The following SLC8A1 variants were observed in gnomAD, a reference collection of about 807,000 sequenced individuals.
The protein encoded by SLC8A1 is solute carrier family 8 member A1.
In SLC8A1, 18 loss-of-function variants were observed where a neutral mutation model predicts 68.3. The observed-to-expected ratio is 0.26, with a 90% confidence interval of 0.18 to 0.39. The LOEUF is 0.39. Among genes scored for constraint, SLC8A1 ranks in the 10% least tolerant of loss-of-function variants. SLC8A1 has a pLI of 1.00. For synonymous variants in SLC8A1, 475 were observed against 415.5 expected (o/e 1.14, Z -1.74); for missense variants, 985 against 1,156.7 (o/e 0.85, Z 2.15).
intron 2 of SLC8A1, among the ~76,000 whole-genome samples, chr2:40,291,259 ATTGAGAAGGC>A (rs1407817508): frequency 2.6e-5 from 4 of 152,156 alleles, no homozygotes; most frequent in Non-Finnish European, 5.9e-5. Flanking sequence ...ACAGATGAAT[ATTGAGAAGGC>A]TTGTCCAAAG....
chr2:40,197,552 C>T (rs1188965209), intron 2 of SLC8A1, among the ~76,000 whole-genome samples: 1 of 151,880 alleles, frequency 6.6e-6, no homozygotes, highest in Non-Finnish European at 1.5e-5. Context: ...AGGTGCTTTC[C>T]CCCTTTAGCA....
At chr2:40,243,747 A>T (rs571998415) in intron 2 of SLC8A1, among the ~76,000 whole-genome samples, 6 of 152,170 alleles carry the variant, frequency 3.9e-5, no homozygotes, top group Non-Finnish European at 1.5e-5. Context: ...ATACATTCAC[A>T]GTGGGAAGGC....
intron 2 of SLC8A1, among the ~76,000 whole-genome samples, chr2:40,226,564 G>A (rs1454370022): frequency 6.6e-6 from 1 of 152,126 alleles, no homozygotes; most frequent in Non-Finnish European, 1.5e-5. Flanking sequence ...CAGTCACTCA[G>A]GATTCTGGAA....
chr2:40,451,127 C>T (rs1427494510), intron 1 of SLC8A1, among the ~76,000 whole-genome samples: 1 of 152,136 alleles, frequency 6.6e-6, no homozygotes, highest in East Asian at 1.9e-4. Context: ...TAAGGAGGAG[C>T]CAAAAAGGAT....
intron 6 of SLC8A1, among the ~76,000 whole-genome samples, chr2:40,155,278 C>T (rs1361572663): frequency 3.9e-5 from 6 of 151,956 alleles, no homozygotes; most frequent in South Asian, 2.1e-4. Flanking sequence ...TACAGGCACC[C>T]GCCACCACGC....
chr2:40,319,632 C>T (rs1278738529), intron 2 of SLC8A1, among the ~76,000 whole-genome samples: 4 of 152,020 alleles, frequency 2.6e-5, no homozygotes, highest in Admixed American at 6.6e-5. Context: ...TGAGCAGTTC[C>T]GCCTGTCACA....
intron 2 of SLC8A1, among the ~76,000 whole-genome samples, chr2:40,266,877 T>C (rs1371433459): frequency 6.6e-6 from 1 of 152,330 alleles, no homozygotes; most frequent in South Asian, 2.1e-4. Flanking sequence ...CAGGCATGAC[T>C]GGCTTATTAG....
chr2:40,350,455 T>A (rs1244875945), intron 2 of SLC8A1, among the ~76,000 whole-genome samples: 1 of 152,014 alleles, frequency 6.6e-6, no homozygotes, highest in Non-Finnish European at 1.5e-5. Flanking sequence ...CGGTCCAGCC[T>A]GGGTGACAGA....
chr2:40,360,123 G>A (rs1047237790), intron 2 of SLC8A1, among the ~76,000 whole-genome samples: 3 of 152,078 alleles, frequency 2.0e-5, no homozygotes, highest in Admixed American at 1.3e-4. Context: ...CCATTTTAGA[G>A]GTAAGTAAAA....
At chr2:40,222,464 G>A (rs577181324) in intron 2 of SLC8A1, among the ~76,000 whole-genome samples, 4 of 152,148 alleles carry the variant, frequency 2.6e-5, no homozygotes, top group South Asian at 2.1e-4. Context: ...ACATAGGCAT[G>A]GGCAAAGACT....
chr2:40,316,776 T>C (rs918976891), intron 2 of SLC8A1, among the ~76,000 whole-genome samples: 1 of 151,996 alleles, frequency 6.6e-6, no homozygotes, highest in African/African-American at 2.4e-5. Context: ...CCCCAATTTG[T>C]GTTTTATCTC....
chr2:40,469,763 T>G (rs1469441942), intron 1 of SLC8A1, among the ~76,000 whole-genome samples: 1 of 152,164 alleles, frequency 6.6e-6, no homozygotes, highest in Non-Finnish European at 1.5e-5. Flanking sequence ...TTATGGATTT[T>G]GTTGTGTATA....
At chr2:40,388,331 T>C (rs1684242827) in intron 2 of SLC8A1, among the ~76,000 whole-genome samples, 1 of 152,200 alleles carries the variant, frequency 6.6e-6, no homozygotes, top group African/African-American at 2.4e-5. Flanking sequence ...ATAGTTGTTG[T>C]TGCATAATGA....
At chr2:40,293,803 T>C (rs1307963791) in intron 2 of SLC8A1, among the ~76,000 whole-genome samples, 2 of 152,156 alleles carry the variant, frequency 1.3e-5, no homozygotes, top group African/African-American at 4.8e-5. Flanking sequence ...TGTAGACTTA[T>C]CTATGGTATA....
At chr2:40,198,348 G>T (rs1558712471) in intron 2 of SLC8A1, among the ~76,000 whole-genome samples, 1 of 151,824 alleles carries the variant, frequency 6.6e-6, no homozygotes, top group Non-Finnish European at 1.5e-5. Flanking sequence ...CTACTAACCA[G>T]AGTTCTTGTT....
intron 2 of SLC8A1, among the ~76,000 whole-genome samples, chr2:40,392,173 AG>A (rs1380715431): frequency 6.6e-6 from 1 of 151,912 alleles, no homozygotes; most frequent in African/African-American, 2.4e-5. Context: ...AGAAAGGAAG[AG>A]AGGAAGAAAG....
intron 1 of SLC8A1, among the ~76,000 whole-genome samples, chr2:40,486,158 C>A (rs537268243): frequency 6.6e-6 from 1 of 152,228 alleles, no homozygotes; most frequent in East Asian, 1.9e-4. Context: ...CTGCCTGCCG[C>A]CTTGTGAAAA....
intron 1 of SLC8A1, among the ~76,000 whole-genome samples, chr2:40,488,494 A>G (rs565070318): frequency 5.9e-5 from 9 of 151,880 alleles, no homozygotes; most frequent in African/African-American, 2.2e-4. Context: ...GTGTATTTTA[A>G]GCCCATTTAG....
chr2:40,237,204 C>T (rs1164560134), intron 2 of SLC8A1, among the ~76,000 whole-genome samples: 10 of 152,202 alleles, frequency 6.6e-5, no homozygotes, highest in Non-Finnish European at 8.8e-5. Flanking sequence ...GCTTGTTTTC[C>T]AACTTGGTTC....
Sources: allele counts gnomAD v4.1 joint callset (sites outside exome capture counted in the v4.1 genomes callset), GRCh38; gene constraint gnomAD v4.1.1; transcripts MANE v1.5; gene names NCBI Gene and HGNC (gene_info 2026-07-23, HGNC 2026-07-21).